The following MFSD11 variants were observed in gnomAD, a reference collection of about 807,000 sequenced individuals.
MFSD11 encodes major facilitator superfamily domain containing 11.
A neutral mutation model predicts 53.5 loss-of-function variants in MFSD11; 36 were observed. The ratio of observed to expected loss-of-function variants is 0.67; its 90% confidence interval spans 0.52 to 0.89. The LOEUF (loss-of-function observed/expected upper bound fraction) is 0.89. Ranked by LOEUF, MFSD11 falls within the 40% of genes least tolerant of loss-of-function variation. The pLI is 0.00. For missense variants in MFSD11, 530 were observed against 543.9 expected, an observed-to-expected ratio of 0.97 and a Z score of 0.25; for synonymous variants, 186 against 184.9, an observed-to-expected ratio of 1.01 and a Z score of -0.05.
chr17:76,798,810 C>G, the MFSD11 span, among the ~76,000 whole-genome samples: 1 of 151,672 alleles, frequency 6.6e-6, no homozygotes, highest in Admixed American at 6.6e-5. Flanking sequence ...GGAGGATCAC[C>G]TGAGGTCAGG....
At chr17:76,748,749 G>T (rs1017369342) in intron 7 of MFSD11, among the ~76,000 whole-genome samples, 7 of 151,930 alleles carry the variant, frequency 4.6e-5, no homozygotes, top group African/African-American at 1.5e-4. Context: ...CTTATTAGCT[G>T]GGTGATCTCT....
chr17:76,796,207 C>G, the MFSD11 span, among the ~76,000 whole-genome samples: 1 of 152,152 alleles, frequency 6.6e-6, no homozygotes, highest in East Asian at 1.9e-4. Context: ...CTCCTTCCTT[C>G]TATCCAAATC....
the MFSD11 span, among the ~76,000 whole-genome samples, chr17:76,796,393 G>T: frequency 2.0e-5 from 3 of 152,072 alleles, no homozygotes; most frequent in Admixed American, 2.0e-4. Context: ...AACTCTTGGG[G>T]GGAAGGACTG....
At chr17:76,783,254 A>ATTTAC (rs1412407512), downstream of MFSD11, among the ~76,000 whole-genome samples, 4 of 152,122 alleles carry the variant, frequency 2.6e-5, no homozygotes, top group Admixed American at 2.6e-4. Context: ...CTTGTAGCTA[A>ATTTAC]GTAAATGCTG....
At chr17:76,789,413 G>T in the MFSD11 span, among the ~76,000 whole-genome samples, 1 of 150,048 alleles carries the variant, frequency 6.7e-6, no homozygotes, top group East Asian at 1.9e-4. Context: ...GCTCGTTTGA[G>T]GCATTTTTCT....
intron 7 of MFSD11, among the ~76,000 whole-genome samples, chr17:76,751,306 C>G (rs190138570): frequency 6.6e-6 from 1 of 151,556 alleles, no homozygotes; most frequent in Non-Finnish European, 1.5e-5. Flanking sequence ...AGGAGAATGG[C>G]GTGAACCTGG....
At chr17:76,736,755 G>A, upstream of MFSD11, 4 of 1,396,314 alleles carry the variant, frequency 2.9e-6, no homozygotes, top group Non-Finnish European at 3.7e-6. Context: ...CGGGCCTCCC[G>A]CGCGCCCCGC....
At chr17:76,763,815 G>T (rs1228612280) in intron 8 of MFSD11, among the ~76,000 whole-genome samples, 16 of 150,772 alleles carry the variant, frequency 1.1e-4, no homozygotes, top group Non-Finnish European at 1.5e-5. Context: ...ACTTTATCGA[G>T]GTATAACTTA....
upstream of MFSD11, chr17:76,737,471 A>G (rs2077578849): frequency 5.6e-6 from 2 of 354,264 alleles, no homozygotes; most frequent in South Asian, 7.0e-5. Flanking sequence ...CCCTACCCGA[A>G]GCGCCTGCGC....
At chr17:76,738,110 C>G (rs781407820), upstream of MFSD11, 59 of 506,530 alleles carry the variant, frequency 1.2e-4, 1 homozygote, top group Non-Finnish European at 1.6e-4. Flanking sequence ...TGGCGCTTCT[C>G]CGGGGGTTGT....
intron 5 of MFSD11, 146 bp downstream of exon 5, chr17:76,742,419 A>G (rs2078178792): frequency 1.5e-6 from 1 of 674,946 alleles, no homozygotes; most frequent in Non-Finnish European, 2.6e-6. Flanking sequence ...AATTTTATAG[A>G]ATCACTTGTA....
At position 76,738,165 on chromosome 17, in the gene MFSD11, G is replaced by A; in HGVS notation, c.-188G>A. On this transcript the variant is annotated 5_prime_UTR_variant, in exon 1 of 13. Transcript: ENST00000685175. ...GCTTCTTAGGAGTATCCTAACTGCCGGTGGGGAGAACTTCGCCCTAAACCT... is the reference window on the plus strand; with the variant it reads ...GCTTCTTAGGAGTATCCTAACTGCCAGTGGGGAGAACTTCGCCCTAAACCT... 1 of 603,362 alleles carries A rather than the reference G, an allele frequency of 1.7e-6. No homozygotes were observed. The highest frequency in any genetic ancestry group is 2.9e-6 in the Non-Finnish European group (1 of 341,028). 37.4% of individuals were successfully genotyped at this position (603,362 alleles called of 1,614,324 possible). A position where few individuals can be genotyped will look rare whatever the true frequency, so the allele number is the denominator to read the frequency against.
At chr17:76,755,482 T>C (rs1280050561) in intron 8 of MFSD11, among the ~76,000 whole-genome samples, 3 of 152,046 alleles carry the variant, frequency 2.0e-5, no homozygotes, top group East Asian at 1.9e-4. Context: ...GTGGCCCTTA[T>C]GGCCCTTGAG....
chr17:76,779,728 A>T (rs1277868310), downstream of MFSD11, among the ~76,000 whole-genome samples: 1 of 152,076 alleles, frequency 6.6e-6, no homozygotes, highest in African/African-American at 2.4e-5. Flanking sequence ...CAGGTGATTC[A>T]CCTGCCTCGG....
chr17:76,800,504 G>A, the MFSD11 span, among the ~76,000 whole-genome samples: 1 of 152,036 alleles, frequency 6.6e-6, no homozygotes, highest in Non-Finnish European at 1.5e-5. Flanking sequence ...GTGGCCATTT[G>A]TCTGTGGGTA....
intron 7 of MFSD11, among the ~76,000 whole-genome samples, chr17:76,752,188 G>C (rs1440722624): frequency 6.6e-6 from 1 of 152,166 alleles, no homozygotes; most frequent in African/African-American, 2.4e-5. Context: ...AGCTGCAGTT[G>C]CTCTGTGTAT....
chr17:76,801,364 C>CAAAAAAAAA, the MFSD11 span, among the ~76,000 whole-genome samples: 2 of 72,240 alleles, frequency 2.8e-5, no homozygotes, highest in African/African-American at 5.4e-5. Flanking sequence ...GGCTCTGTCT[C>CAAAAAAAAA]AAAAAAAAAA....
At position 76,763,513 on chromosome 17, in the gene MFSD11, C is replaced by T. The variant is rs200819210; in HGVS notation, c.683-3873C>T. 2.0e-5 allele frequency among the ~76,000 whole-genome samples: 3 copies of T among 152,284 alleles called. No homozygotes were observed. The East Asian group carries it at 5.8e-4, about 29-fold the overall frequency. On this transcript the variant is annotated intron_variant, in intron 8 of 12. Coordinates refer to ENST00000685175, the MANE Select transcript of MFSD11 (RefSeq NM_001242532.5). ...TCCTGATCTCAAGTGATCCACCCGCCTCAGCCTCCCAAAGTGCTGGGATTA... is the reference window on the plus strand; with the variant it reads ...TCCTGATCTCAAGTGATCCACCCGCTTCAGCCTCCCAAAGTGCTGGGATTA...
chr17:76,759,525 G>A lies in MFSD11; in HGVS notation c.682+5438G>A, dbSNP rs560195566. Among the ~76,000 whole-genome samples, 3 of 152,120 alleles carry A rather than the reference G, an allele frequency of 2.0e-5. No homozygotes were observed. In the South Asian group the frequency reaches 6.2e-4, roughly 32 times the overall value. Reference sequence around the variant, plus strand: ...GCTGGAGTGCAGTGGCGCGATCTCAGCTCACTGCAACCTCCGCCCCGCAGG... The same window carrying A: ...GCTGGAGTGCAGTGGCGCGATCTCAACTCACTGCAACCTCCGCCCCGCAGG... On this transcript the variant is annotated intron_variant, in intron 8 of 12. Transcript: ENST00000685175.
Sources: gnomAD v4.1 joint callset for allele counts (sites outside exome capture counted in the v4.1 genomes callset) on GRCh38, gnomAD v4.1.1 for gene constraint, MANE v1.5 for transcripts, NCBI Gene and HGNC (gene_info 2026-07-23, HGNC 2026-07-21) for gene names.